The following CCDC125 variants were observed in gnomAD, a reference collection of about 807,000 sequenced individuals.
CCDC125 encodes the protein coiled-coil domain-containing protein 125.
Under a neutral mutation model 57.4 loss-of-function variants are expected in CCDC125, and 43 were observed. That is an observed-to-expected ratio of 0.75 (90% CI 0.59 to 0.97). The LOEUF (loss-of-function observed/expected upper bound fraction) is 0.97, where lower values mean the gene tolerates loss of function less well. Ranked by LOEUF, CCDC125 falls within the 50% of genes least tolerant of loss-of-function variation. CCDC125 has a pLI of 0.00. For missense variants in CCDC125, 563 were observed against 595.7 expected, an observed-to-expected ratio of 0.95 and a Z score of 0.57; for synonymous variants, 187 against 195.2, an observed-to-expected ratio of 0.96 and a Z score of 0.35.
At chr5:69,315,411 C>A (rs1289826131) in intron 2 of CCDC125, among the ~76,000 whole-genome samples, 1 of 134,744 alleles carries the variant, frequency 7.4e-6, no homozygotes, top group Non-Finnish European at 1.5e-5. Context: ...AAAATCCAGC[C>A]TAGGTAACAG....
Position 69,282,900 on chromosome 5 carries a change from G to A in CCDC125, c.1365C>T (p.Asn455=), listed in dbSNP as rs781687525. ...KNPIKENFPF[N]NPWRKTSEFS... ...ATTCTGAAGTCTTACGCCAGGGGTT[G>A]TTGAAAGGGAAATTCTCTTTTATAG... The change falls in exon 12 of 12, where the codon AAC becomes AAT. Residue 455 remains asparagine, a synonymous_variant. Transcript: ENST00000396496. The A allele has an allele frequency of 1.9e-6, 3 of 1,613,952 alleles. No individual in the cohort carries two copies. The highest frequency in any genetic ancestry group is 2.5e-6 in the Non-Finnish European group (3 of 1,180,008).
chr5:69,289,624 G>A (rs1754064328), intron 10 of CCDC125, among the ~76,000 whole-genome samples: 1 of 152,148 alleles, frequency 6.6e-6, no homozygotes, highest in Admixed American at 6.5e-5. Flanking sequence ...CATTTTGGGA[G>A]GCCGAGGAGG....
At chr5:69,329,463 C>T (rs566606388) in intron 1 of CCDC125, among the ~76,000 whole-genome samples, 1 of 150,148 alleles carries the variant, frequency 6.7e-6, no homozygotes, top group Non-Finnish European at 1.5e-5. Flanking sequence ...GCTGAGATTA[C>T]AGGTGTGAGC....
downstream of CCDC125, among the ~76,000 whole-genome samples, chr5:69,279,237 G>A (rs1354336406): frequency 4.9e-5 from 7 of 141,994 alleles, no homozygotes; most frequent in East Asian, 2.1e-4. Context: ...TTGCTCTGTC[G>A]CCCAGGCTGG....
chr5:69,301,180 G>T (rs1756381349), intron 7 of CCDC125, among the ~76,000 whole-genome samples: 1 of 150,708 alleles, frequency 6.6e-6, no homozygotes, highest in Admixed American at 6.6e-5. Context: ...TCGTTATGTT[G>T]CCCAGATTGG....
At chr5:69,324,617 T>C (rs1216084058) in intron 1 of CCDC125, among the ~76,000 whole-genome samples, 1 of 152,218 alleles carries the variant, frequency 6.6e-6, no homozygotes, top group Non-Finnish European at 1.5e-5. Context: ...TACAACAGAA[T>C]ATATTTGTCA....
intron 10 of CCDC125, among the ~76,000 whole-genome samples, chr5:69,285,940 C>T (rs888796041): frequency 5.9e-5 from 9 of 151,892 alleles, no homozygotes; most frequent in African/African-American, 2.2e-4. Context: ...AACTGTATGA[C>T]CTCGGGTGAC....
At chr5:69,295,015 C>CA (rs1000066371) in intron 8 of CCDC125, 115 bp from the exon 9 acceptor site, 4 of 686,888 alleles carry the variant, frequency 5.8e-6, no homozygotes, top group Non-Finnish European at 6.9e-6. Context: ...GCATCTGATC[C>CA]AAAAAAACTG....
intron 11 of CCDC125, among the ~76,000 whole-genome samples, chr5:69,284,830 G>A (rs551891525): frequency 1.3e-5 from 2 of 152,272 alleles, no homozygotes; most frequent in South Asian, 2.1e-4. Flanking sequence ...GGTGGGTCAC[G>A]CCTGTAATCC....
intron 6 of CCDC125, among the ~76,000 whole-genome samples, chr5:69,306,539 G>A (rs1757355845): frequency 6.6e-6 from 1 of 152,072 alleles, no homozygotes; most frequent in African/African-American, 2.4e-5. Context: ...TGTTGCCCAG[G>A]CTGGTCTCAA....
At chr5:69,279,403 A>C (rs866136949), downstream of CCDC125, among the ~76,000 whole-genome samples, 1 of 152,004 alleles carries the variant, frequency 6.6e-6, no homozygotes, top group Non-Finnish European at 1.5e-5. Context: ...TCACTGTGTT[A>C]GCCAGGATGG....
At chr5:69,290,531 G>A (rs1356032650) in intron 10 of CCDC125, among the ~76,000 whole-genome samples, 2 of 151,124 alleles carry the variant, frequency 1.3e-5, no homozygotes, top group African/African-American at 4.9e-5. Context: ...TTGAACTCCT[G>A]ACCTCAGGTG....
intron 11 of CCDC125, among the ~76,000 whole-genome samples, chr5:69,285,113 A>C (rs1271605790): frequency 1.5e-5 from 2 of 137,272 alleles, no homozygotes; most frequent in African/African-American, 5.1e-5. Flanking sequence ...CAAACAAAAA[A>C]ACCAAAAAAC....
intron 7 of CCDC125, among the ~76,000 whole-genome samples, chr5:69,301,126 C>G (rs983390606): frequency 6.7e-6 from 1 of 149,338 alleles, no homozygotes; most frequent in African/African-American, 2.5e-5. Flanking sequence ...GTGCATGCTA[C>G]CATGCCTGGC....
chr5:69,326,840 T>C (rs1760791935), intron 1 of CCDC125, among the ~76,000 whole-genome samples: 1 of 151,984 alleles, frequency 6.6e-6, no homozygotes, highest in South Asian at 2.1e-4. Flanking sequence ...TGCTTGAGCC[T>C]AGTAGTTCAG....
In CCDC125 at chr5:69,324,839, C is replaced by A. The variant is rs1014942695; in HGVS notation, c.-40-4259G>T. Among the ~76,000 whole-genome samples the A allele has an allele frequency of 2.0e-5, 3 of 151,938 alleles. No homozygotes were observed. In the East Asian group the frequency reaches 5.8e-4, roughly 29 times the overall value. On this transcript the variant is annotated intron_variant, in intron 1 of 11. Transcript: ENST00000396496. The stretch of plus-strand genomic sequence containing the variant: ...ACCAGCCTGGGCAACATAGCGAGAT[C>A]CCCATCACTAATTAAAACAATAAAT...
intron 4 of CCDC125, chr5:69,309,739 T>C (rs569285671): frequency 2.6e-5 from 4 of 152,494 alleles, no homozygotes; most frequent in African/African-American, 9.6e-5. Context: ...GATCCACCCA[T>C]GGCTTACACT....
In CCDC125 at chr5:69,313,099, A is replaced by C. The variant is rs190194618; in HGVS notation, c.366+886T>G. ...TGTTAAAGAAAATACAGGCCCCCCC[A>C]TAACTGGGGTGCCTGGGGGGAACTT... On this transcript the variant is annotated intron_variant, in intron 3 of 11. Transcript: ENST00000396496. 1.6e-3 allele frequency among the ~76,000 whole-genome samples: 246 copies of C among 152,312 alleles called. 1 individual carries two copies. The highest frequency in any genetic ancestry group is 5.6e-3 in the African/African-American group (231 of 41,564).
chr5:69,307,695 AAG>A (rs1491404195), intron 5 of CCDC125: 27 of 434,848 alleles, frequency 6.2e-5, no homozygotes, highest in African/African-American at 4.1e-4. Context: ...AAAAAAAAAA[AAG>A]AAGAAGAAAT....
Sources: allele counts gnomAD v4.1 joint callset (sites outside exome capture counted in the v4.1 genomes callset), GRCh38; gene constraint gnomAD v4.1.1; transcripts MANE v1.5; gene names NCBI Gene and HGNC (gene_info 2026-07-23, HGNC 2026-07-21).